Variants in CAST observed in about 807,000 individuals in gnomAD.
CAST encodes MIR583 host.
A neutral mutation model predicts 119.6 loss-of-function variants in CAST; 76 were observed. That is an observed-to-expected ratio of 0.64 (90% CI 0.53 to 0.77). CAST has a LOEUF of 0.77. Ranked by LOEUF, CAST falls within the 30% of genes least tolerant of loss-of-function variation. CAST has a pLI of 0.00. For missense variants in CAST, 953 were observed against 946.5 expected, an observed-to-expected ratio of 1.01 and a Z score of -0.09; for synonymous variants, 319 against 331.6, an observed-to-expected ratio of 0.96 and a Z score of 0.41.
the CAST span, among the ~76,000 whole-genome samples, chr5:96,088,412 A>G: frequency 6.6e-6 from 1 of 152,138 alleles, no homozygotes; most frequent in South Asian, 2.1e-4. Context: ...CAAGGGGAAC[A>G]TTTTATATTT....
chr5:96,525,099 G>A (rs896214486), upstream of CAST, among the ~76,000 whole-genome samples: 9 of 152,300 alleles, frequency 5.9e-5, no homozygotes, highest in South Asian at 1.7e-3. Context: ...CTTGAGGGCA[G>A]GTCTATTCTG....
chr5:96,514,085 G>A, the CAST span, among the ~76,000 whole-genome samples: 1 of 152,096 alleles, frequency 6.6e-6, no homozygotes. Flanking sequence ...GGCCCTCTGT[G>A]CTCCAGTATG....
At chr5:96,075,296 A>G in the CAST span, among the ~76,000 whole-genome samples, 1 of 152,156 alleles carries the variant, frequency 6.6e-6, no homozygotes, top group African/African-American at 2.4e-5. Flanking sequence ...CCAACTCTAT[A>G]ATACTTTTCA....
chr5:96,572,921 G>A (rs1410191209), intron 1 of CAST, among the ~76,000 whole-genome samples: 1 of 152,190 alleles, frequency 6.6e-6, no homozygotes, highest in African/African-American at 2.4e-5. Flanking sequence ...GACTCAGTAA[G>A]ACAAAAGGAA....
chr5:96,154,826 A>G, the CAST span, among the ~76,000 whole-genome samples: 3 of 152,346 alleles, frequency 2.0e-5, no homozygotes, highest in Admixed American at 1.3e-4. Context: ...TACTATTCTC[A>G]TGATATAGTA....
the CAST span, chr5:96,398,816 A>G: frequency 8.0e-7 from 1 of 1,243,378 alleles, no homozygotes. Flanking sequence ...AAAAGCAATC[A>G]GTTATTTGAA....
chr5:96,578,493 T>C (rs866077153), intron 1 of CAST, among the ~76,000 whole-genome samples: 1 of 152,148 alleles, frequency 6.6e-6, no homozygotes, highest in African/African-American at 2.4e-5. Flanking sequence ...TTTCTCCTTG[T>C]TTCATTTCCT....
chr5:96,301,874 C>A, the CAST span, among the ~76,000 whole-genome samples: 1 of 152,202 alleles, frequency 6.6e-6, no homozygotes, highest in South Asian at 2.1e-4. Context: ...GTTGGTGGAT[C>A]TACCATTCGG....
At chr5:96,532,861 G>T (rs940878346) in intron 1 of CAST, among the ~76,000 whole-genome samples, 2 of 151,408 alleles carry the variant, frequency 1.3e-5, no homozygotes, top group Non-Finnish European at 2.9e-5. Context: ...AAAAAAAATT[G>T]TTTTTAATTA....
At chr5:96,137,349 T>A in the CAST span, among the ~76,000 whole-genome samples, 1 of 152,002 alleles carries the variant, frequency 6.6e-6, no homozygotes, top group Non-Finnish European at 1.5e-5. Context: ...ATAGCTCATT[T>A]TTTTATTGCT....
the CAST span, among the ~76,000 whole-genome samples, chr5:96,454,962 T>G: frequency 6.6e-6 from 1 of 152,252 alleles, no homozygotes. Flanking sequence ...CATTTCTATT[T>G]ATGACAATTG....
At chr5:96,741,244 A>G (rs1054826134) in intron 13 of CAST, 22 bp from the exon 14 acceptor site, 13 of 1,411,062 alleles carry the variant, frequency 9.2e-6, no homozygotes, top group Non-Finnish European at 1.3e-5. Flanking sequence ...TAAGTTACCC[A>G]TCACTGTGCC....
the CAST span, among the ~76,000 whole-genome samples, chr5:96,307,486 C>T: frequency 6.6e-6 from 1 of 152,158 alleles, no homozygotes; most frequent in Non-Finnish European, 1.5e-5. Context: ...GCATTTGATC[C>T]TGTCATTATG....
At chr5:96,033,187 TG>T in the CAST span, among the ~76,000 whole-genome samples, 1 of 152,230 alleles carries the variant, frequency 6.6e-6, no homozygotes, top group African/African-American at 2.4e-5. Context: ...CACAAATAAC[TG>T]TAAGGATATC....
At chr5:96,746,105 G>A (rs965846935) in intron 16 of CAST, among the ~76,000 whole-genome samples, 3 of 152,208 alleles carry the variant, frequency 2.0e-5, no homozygotes, top group African/African-American at 4.8e-5. Flanking sequence ...GCAGCTGGGA[G>A]CAGAACAGGG....
the CAST span, among the ~76,000 whole-genome samples, chr5:95,978,294 A>C: frequency 6.6e-6 from 1 of 152,188 alleles, no homozygotes; most frequent in East Asian, 1.9e-4. Flanking sequence ...CTTTCTCTGC[A>C]ACCTCCCCAG....
chr5:96,404,524 T>C, the CAST span, among the ~76,000 whole-genome samples: 2 of 152,222 alleles, frequency 1.3e-5, no homozygotes, highest in Non-Finnish European at 2.9e-5. Flanking sequence ...TCCCCAATAC[T>C]CTGGCTATAT....
At chr5:96,429,225 A>G in the CAST span, 1 of 1,520,526 alleles carries the variant, frequency 6.6e-7, no homozygotes, top group Admixed American at 1.7e-5. Flanking sequence ...GATCATCATC[A>G]GATAATCTCT....
the CAST span, among the ~76,000 whole-genome samples, chr5:96,155,149 G>C: frequency 2.0e-5 from 3 of 152,176 alleles, no homozygotes; most frequent in Non-Finnish European, 4.4e-5. Flanking sequence ...TTATGGGCCA[G>C]AGCCAGCATT....
Sources: gnomAD v4.1 joint callset for allele counts (sites outside exome capture counted in the v4.1 genomes callset) on GRCh38, gnomAD v4.1.1 for gene constraint, MANE v1.5 for transcripts, NCBI Gene and HGNC (gene_info 2026-07-23, HGNC 2026-07-21) for gene names.